PGCKA1: variants seen among roughly 807,000 people sequenced by gnomAD.
PGCKA1 encodes the protein PDCD10 and GCKIII kinases-associated protein 1.
the PGCKA1 span, among the ~76,000 whole-genome samples, chr4:37,518,332 T>C: frequency 2.6e-5 from 4 of 152,226 alleles, no homozygotes; most frequent in South Asian, 2.1e-4. Flanking sequence ...TTGTAGTTCA[T>C]TGAGGAACCT....
chr4:37,462,831 A>G, the PGCKA1 span, among the ~76,000 whole-genome samples: 2 of 151,734 alleles, frequency 1.3e-5, no homozygotes, highest in South Asian at 2.1e-4. Context: ...CATCTCTACT[A>G]AAAAAATACA....
the PGCKA1 span, among the ~76,000 whole-genome samples, chr4:37,454,308 A>G: frequency 6.6e-6 from 1 of 152,136 alleles, no homozygotes; most frequent in Non-Finnish European, 1.5e-5. Context: ...AAAACCAAAG[A>G]CCAAGGCGTT....
chr4:37,555,882 A>C, the PGCKA1 span, among the ~76,000 whole-genome samples: 1 of 152,048 alleles, frequency 6.6e-6, no homozygotes, highest in Non-Finnish European at 1.5e-5. Context: ...CTCACTCCCT[A>C]GGGTGACTCT....
the PGCKA1 span, among the ~76,000 whole-genome samples, chr4:37,579,937 C>T: frequency 6.6e-6 from 1 of 152,114 alleles, no homozygotes; most frequent in African/African-American, 2.4e-5. Flanking sequence ...TTTTCTAGAT[C>T]TTGTAGGTGT....
chr4:37,556,449 A>T, the PGCKA1 span, among the ~76,000 whole-genome samples: 3 of 121,826 alleles, frequency 2.5e-5, no homozygotes, highest in Non-Finnish European at 5.4e-5. Context: ...TTGTATTTTT[A>T]GTAGAGACGG....
At chr4:37,516,405 C>T in the PGCKA1 span, among the ~76,000 whole-genome samples, 1 of 152,220 alleles carries the variant, frequency 6.6e-6, no homozygotes, top group Non-Finnish European at 1.5e-5. Flanking sequence ...AAATATGTGG[C>T]ATGAGTATAT....
the PGCKA1 span, among the ~76,000 whole-genome samples, chr4:37,587,901 AG>A: frequency 6.6e-6 from 1 of 152,160 alleles, no homozygotes; most frequent in Non-Finnish European, 1.5e-5. Context: ...CCTGGGAGGC[AG>A]AGGTTGCAGT....
chr4:37,491,642 G>T, the PGCKA1 span, among the ~76,000 whole-genome samples: 1 of 152,068 alleles, frequency 6.6e-6, no homozygotes, highest in Admixed American at 6.6e-5. Context: ...ATTTCACAAT[G>T]ATATCCCTTG....
the PGCKA1 span, chr4:37,590,860 T>A: frequency 1.2e-6 from 2 of 1,614,188 alleles, no homozygotes; most frequent in East Asian, 2.2e-5. Context: ...TGTGGTTGAC[T>A]CAGGAAACAG....
At chr4:37,521,450 C>A in the PGCKA1 span, among the ~76,000 whole-genome samples, 71 of 152,320 alleles carry the variant, frequency 4.7e-4, no homozygotes, top group African/African-American at 1.7e-3. Flanking sequence ...ACCCACTAGT[C>A]ATTCAGGAGC....
the PGCKA1 span, among the ~76,000 whole-genome samples, chr4:37,578,335 A>C: frequency 6.6e-6 from 1 of 152,164 alleles, no homozygotes; most frequent in African/African-American, 2.4e-5. Flanking sequence ...TTTTGTCTTG[A>C]AATCTATTTT....
the PGCKA1 span, among the ~76,000 whole-genome samples, chr4:37,465,312 C>T: frequency 9.2e-5 from 14 of 151,686 alleles, 1 homozygote; most frequent in South Asian, 1.9e-3. Flanking sequence ...GGTCAAGCAC[C>T]GTGCCAGGTG....
At chr4:37,539,420 G>T in the PGCKA1 span, among the ~76,000 whole-genome samples, 1 of 152,160 alleles carries the variant, frequency 6.6e-6, no homozygotes, top group Non-Finnish European at 1.5e-5. Flanking sequence ...ACTTTGGGAG[G>T]CCAAGGTGGG....
chr4:37,523,176 C>G, the PGCKA1 span, among the ~76,000 whole-genome samples: 5 of 152,146 alleles, frequency 3.3e-5, no homozygotes, highest in Non-Finnish European at 7.4e-5. Context: ...CAGTAATTCC[C>G]CTCTGGCTAG....
chr4:37,507,745 T>A, the PGCKA1 span, among the ~76,000 whole-genome samples: 9 of 152,206 alleles, frequency 5.9e-5, no homozygotes, highest in Admixed American at 1.3e-4. Flanking sequence ...TTCTGTATTT[T>A]TCTGTGTGCT....
the PGCKA1 span, among the ~76,000 whole-genome samples, chr4:37,538,860 A>G: frequency 6.6e-6 from 1 of 152,254 alleles, no homozygotes; most frequent in African/African-American, 2.4e-5. Context: ...TGTTATAGTC[A>G]GCACTGTAGA....
At chr4:37,468,034 A>G in the PGCKA1 span, among the ~76,000 whole-genome samples, 63,338 of 152,038 alleles carry the variant, frequency 0.42, 14,021 homozygotes, top group Non-Finnish European at 0.49. Flanking sequence ...TGGGGAAATG[A>G]ACTTTGGGTT....
At chr4:37,584,720 G>A in the PGCKA1 span, among the ~76,000 whole-genome samples, 1 of 152,098 alleles carries the variant, frequency 6.6e-6, no homozygotes, top group South Asian at 2.1e-4. Flanking sequence ...GGTGCCCCAG[G>A]GTCAATCTTG....
At chr4:37,475,402 C>T in the PGCKA1 span, among the ~76,000 whole-genome samples, 1 of 152,136 alleles carries the variant, frequency 6.6e-6, no homozygotes, top group African/African-American at 2.4e-5. Flanking sequence ...AGAATAAACC[C>T]TTTAAATACA....
Sources: gnomAD v4.1 joint callset for allele counts (sites outside exome capture counted in the v4.1 genomes callset) on GRCh38, gnomAD v4.1.1 for gene constraint, MANE v1.5 for transcripts, NCBI Gene and HGNC (gene_info 2026-07-23, HGNC 2026-07-21) for gene names.